Variants in KCNN2 observed in about 807,000 individuals in gnomAD.
The protein encoded by KCNN2 is small conductance calcium-activated potassium channel protein 2.
Under a neutral mutation model 55.5 loss-of-function variants are expected in KCNN2, and 24 were observed. The ratio of observed to expected loss-of-function variants is 0.43; its 90% CI spans 0.31 to 0.61. KCNN2 has a LOEUF of 0.61. Among genes scored for constraint, KCNN2 ranks in the 20% least tolerant of loss-of-function variants. KCNN2 has a pLI of 0.08. For synonymous variants in KCNN2, 431 were observed against 336.1 expected (o/e 1.28, Z -3.09); for missense variants, 754 against 853.6 (o/e 0.88, Z 1.45).
At chr5:114,326,455 T>C (rs1056473918) in intron 2 of KCNN2, among the ~76,000 whole-genome samples, 2 of 152,118 alleles carry the variant, frequency 1.3e-5, no homozygotes, top group Admixed American at 1.3e-4. Flanking sequence ...GTGTGGCTTT[T>C]GTTCTATACC....
intron 1 of KCNN2, among the ~76,000 whole-genome samples, chr5:114,180,455 T>C (rs1312839855): frequency 6.6e-6 from 1 of 152,210 alleles, no homozygotes; most frequent in Non-Finnish European, 1.5e-5. Context: ...TGCTGAATTT[T>C]GAGGGCTTTG....
intron 3 of KCNN2, among the ~76,000 whole-genome samples, chr5:114,413,819 A>G (rs1460790136): frequency 6.6e-6 from 1 of 152,196 alleles, no homozygotes; most frequent in African/African-American, 2.4e-5. Flanking sequence ...ATGCTGATGT[A>G]CAGATTTCAT....
chr5:114,277,505 G>T (rs1755516418), intron 2 of KCNN2, among the ~76,000 whole-genome samples: 2 of 152,138 alleles, frequency 1.3e-5, no homozygotes, highest in African/African-American at 4.8e-5. Flanking sequence ...TTTTCACATA[G>T]TCCCATATTT....
intron 2 of KCNN2, among the ~76,000 whole-genome samples, chr5:114,355,576 C>T (rs1326137839): frequency 6.6e-6 from 1 of 152,118 alleles, no homozygotes; most frequent in Non-Finnish European, 1.5e-5. Context: ...CTCCTTGTGG[C>T]GTGCAGCCTG....
intron 3 of KCNN2, among the ~76,000 whole-genome samples, chr5:114,414,377 G>A (rs182732257): frequency 5.5e-4 from 83 of 152,266 alleles, no homozygotes; most frequent in African/African-American, 1.9e-3. Flanking sequence ...GCTGGTGTCA[G>A]GTAATAAAGC....
intron 3 of KCNN2, among the ~76,000 whole-genome samples, chr5:114,461,625 A>G (rs1761201584): frequency 6.6e-6 from 1 of 152,210 alleles, no homozygotes; most frequent in Non-Finnish European, 1.5e-5. Context: ...GTCCAAAGAT[A>G]GAGTGTAAGA....
At chr5:114,152,338 T>C (rs374436337) in intron 1 of KCNN2, among the ~76,000 whole-genome samples, 1 of 152,242 alleles carries the variant, frequency 6.6e-6, no homozygotes, top group African/African-American at 2.4e-5. Context: ...TCTAACGTCA[T>C]ACTATTCTTG....
intron 1 of KCNN2, among the ~76,000 whole-genome samples, chr5:114,099,914 A>G (rs964610514): frequency 5.3e-5 from 8 of 152,060 alleles, no homozygotes; most frequent in East Asian, 1.9e-4. Flanking sequence ...TATTAAATAC[A>G]TTATTCAAGT....
chr5:114,061,814 A>T (rs1295923060), intron 1 of KCNN2, among the ~76,000 whole-genome samples: 1 of 152,228 alleles, frequency 6.6e-6, no homozygotes, highest in Non-Finnish European at 1.5e-5. Context: ...GATAGACATT[A>T]GGTTGATTGT....
At chr5:114,439,688 A>G (rs544150933) in intron 3 of KCNN2, among the ~76,000 whole-genome samples, 13 of 152,308 alleles carry the variant, frequency 8.5e-5, no homozygotes, top group African/African-American at 2.4e-4. Flanking sequence ...ACTTGACAGC[A>G]TATTTCAAAA....
intron 7 of KCNN2, among the ~76,000 whole-genome samples, chr5:114,493,774 T>C (rs1310583854): frequency 6.6e-6 from 1 of 152,160 alleles, no homozygotes; most frequent in Non-Finnish European, 1.5e-5. Flanking sequence ...TTTATTTGCA[T>C]GTAAATCTCA....
At chr5:114,061,262 G>GTA (rs1254529787) in intron 1 of KCNN2, among the ~76,000 whole-genome samples, 1 of 152,098 alleles carries the variant, frequency 6.6e-6, no homozygotes, top group African/African-American at 2.4e-5. Flanking sequence ...ATCACTCCTA[G>GTA]TACCCCAACT....
chr5:114,139,672 A>T (rs1020795408), intron 1 of KCNN2, among the ~76,000 whole-genome samples: 2 of 151,398 alleles, frequency 1.3e-5, no homozygotes, highest in Admixed American at 6.6e-5. Flanking sequence ...AACTTCCCCT[A>T]TGCTTGTAAG....
chr5:114,395,600 A>G (rs1758590972), intron 2 of KCNN2, among the ~76,000 whole-genome samples: 1 of 152,228 alleles, frequency 6.6e-6, no homozygotes, highest in Admixed American at 6.5e-5. Context: ...ATGGACTGTA[A>G]TGAGAATAGT....
chr5:114,156,491 A>G (rs1175446654), intron 1 of KCNN2, among the ~76,000 whole-genome samples: 3 of 152,044 alleles, frequency 2.0e-5, no homozygotes, highest in Non-Finnish European at 4.4e-5. Context: ...CATTTTAATG[A>G]TATTTATTCT....
intron 3 of KCNN2, among the ~76,000 whole-genome samples, chr5:114,416,107 T>C (rs1759295976): frequency 6.6e-6 from 1 of 152,238 alleles, no homozygotes. Flanking sequence ...AAAGACTGTT[T>C]TTCAATCCTG....
intron 2 of KCNN2, among the ~76,000 whole-genome samples, chr5:114,305,521 A>C (rs1756251258): frequency 1.3e-5 from 2 of 152,176 alleles, no homozygotes; most frequent in African/African-American, 4.8e-5. Context: ...GCTCACCTTC[A>C]GGGTAGCACA....
intron 1 of KCNN2, among the ~76,000 whole-genome samples, chr5:114,187,068 A>G (rs1753348326): frequency 6.6e-6 from 1 of 152,214 alleles, no homozygotes; most frequent in Non-Finnish European, 1.5e-5. Flanking sequence ...TAGAAACGTA[A>G]GAGTGATATA....
At chr5:114,095,435 G>A (rs1751235899) in intron 1 of KCNN2, among the ~76,000 whole-genome samples, 2 of 152,116 alleles carry the variant, frequency 1.3e-5, no homozygotes, top group South Asian at 4.1e-4. Context: ...CTCAGGAGAA[G>A]AAGGTAACTT....
Sources: gnomAD v4.1 joint callset for allele counts (sites outside exome capture counted in the v4.1 genomes callset) on GRCh38, gnomAD v4.1.1 for gene constraint, MANE v1.5 for transcripts, NCBI Gene and HGNC (gene_info 2026-07-23, HGNC 2026-07-21) for gene names.